The following PHF20 variants were observed in gnomAD, a reference collection of about 807,000 sequenced individuals.
PHF20 encodes glioma-expressed antigen 2.
Under a neutral mutation model 113.5 loss-of-function variants are expected in PHF20, and 23 were observed. The ratio of observed to expected loss-of-function variants is 0.20; its 90% CI spans 0.15 to 0.29. The LOEUF (loss-of-function observed/expected upper bound fraction) is 0.29. Ranked by LOEUF, PHF20 falls within the 10% of genes least tolerant of loss-of-function variation. The probability of loss-of-function intolerance (pLI) is 1.00; values close to 1 mark genes in which losing one functional copy is unlikely to be tolerated. For missense variants in PHF20, 943 were observed against 1,219.6 expected, an observed-to-expected ratio of 0.77 and a Z score of 3.38; for synonymous variants, 434 against 457.3, an observed-to-expected ratio of 0.95 and a Z score of 0.65.
chr20:35,848,845 A>G (rs1428580356), intron 4 of PHF20, among the ~76,000 whole-genome samples: 2 of 147,474 alleles, frequency 1.4e-5, no homozygotes, highest in African/African-American at 5.1e-5. Flanking sequence ...CAGCAGAACG[A>G]GACTCTGTCT....
rs1269419025 is a variant in PHF20, at chr20:35,898,097, A to G, written c.1283-1273A>G. ...CACCATGTTGTCCAGGCTGGTCCGA[A>G]CTCCTGACCTCAGGTGATCCGCCCA... On this transcript the variant is annotated intron_variant, in intron 9 of 17. Transcript: ENST00000374012. Among the ~76,000 whole-genome samples the G allele has an allele frequency of 3.3e-5, 5 of 151,510 alleles. No homozygotes were observed. In the East Asian group the frequency reaches 9.7e-4, roughly 30 times the overall value.
At chr20:35,939,203 T>G in intron 16 of PHF20, 95 bp downstream of exon 16, 2 of 1,306,838 alleles carry the variant, frequency 1.5e-6, no homozygotes, top group South Asian at 1.6e-5. Flanking sequence ...TATTTATTAA[T>G]AAAACTGTAT....
rs1443394927 is a variant in PHF20 at position 35,947,685 on chromosome 20, C to T, written c.*58C>T. The T allele has an allele frequency of 1.4e-5, 22 of 1,550,980 alleles. No individual in the cohort carries two copies. The highest frequency in any genetic ancestry group is 1.7e-5 in the Non-Finnish European group (19 of 1,130,890). The stretch of plus-strand genomic sequence containing the variant: ...CCTGGGGCACCTGCAGGAGGAGCTT[C>T]GCATATTTAAATAAATAAACCTAGC... On this transcript the variant is annotated 3_prime_UTR_variant, in exon 18 of 18. Transcript: ENST00000374012.
chr20:35,843,984 G>A (rs2042576496), intron 3 of PHF20, among the ~76,000 whole-genome samples: 1 of 152,098 alleles, frequency 6.6e-6, no homozygotes, highest in African/African-American at 2.4e-5. Context: ...GCAGTATGAA[G>A]TATTAGTTTT....
intron 9 of PHF20, among the ~76,000 whole-genome samples, chr20:35,898,269 A>G (rs1568729672): frequency 6.6e-6 from 1 of 152,192 alleles, no homozygotes; most frequent in Admixed American, 6.6e-5. Flanking sequence ...TAACTGTTAC[A>G]CTTTCCTTGC....
intron 2 of PHF20, among the ~76,000 whole-genome samples, chr20:35,824,121 T>TA (rs1276228572): frequency 6.6e-6 from 1 of 152,170 alleles, no homozygotes; most frequent in African/African-American, 2.4e-5. Flanking sequence ...AGTGTATGTT[T>TA]AACCAGGTGA....
At chr20:35,825,718 C>T (rs2042248172) in intron 2 of PHF20, among the ~76,000 whole-genome samples, 1 of 146,456 alleles carries the variant, frequency 6.8e-6, no homozygotes, top group Non-Finnish European at 1.5e-5. Flanking sequence ...TTACGAGTGC[C>T]ATGAAATACA....
At chr20:35,917,355 G>A (rs201618491) in intron 12 of PHF20, 129 bp from the exon 13 acceptor site, 26 of 850,884 alleles carry the variant, frequency 3.1e-5, no homozygotes, top group Admixed American at 1.2e-4. Flanking sequence ...TGGCATCCTC[G>A]TTTCCTTGCC....
rs1009701155 is a variant in PHF20 at position 35,803,674 on chromosome 20, G to GTA, written c.83+2079_83+2080dup. ...ATAATTAGTTCCTTTTTTGGTTTCA[G>GTA]TATATATATATGTGTGTGTGTGTGT... is the stretch of plus-strand genomic sequence containing the variant. On this transcript the variant is annotated intron_variant, in intron 2 of 17. Transcript: ENST00000374012. Among the ~76,000 whole-genome samples the GTA allele has an allele frequency of 1.1e-4, 14 of 131,182 alleles. 1 individual carries two copies. The highest frequency in any genetic ancestry group is 1.5e-4 in the Admixed American group (2 of 13,780). 86.1% of individuals were successfully genotyped at this position (131,182 alleles called of 152,430 possible). A position where few individuals can be genotyped will look rare whatever the true frequency, so the allele number is the denominator to read the frequency against.
chr20:35,827,819 C>T (rs551328489), intron 2 of PHF20, among the ~76,000 whole-genome samples: 4 of 151,464 alleles, frequency 2.6e-5, no homozygotes, highest in African/African-American at 4.9e-5. Context: ...GGCTCTTCAC[C>T]GGGTTTAGAG....
chr20:35,918,855 G>A (rs999542495), intron 13 of PHF20, among the ~76,000 whole-genome samples: 2 of 152,170 alleles, frequency 1.3e-5, no homozygotes, highest in African/African-American at 4.8e-5. Context: ...GGGGTTCAGG[G>A]ATTGTTCCCA....
intron 13 of PHF20, among the ~76,000 whole-genome samples, chr20:35,921,374 C>T (rs934489960): frequency 6.6e-6 from 1 of 151,668 alleles, no homozygotes; most frequent in Non-Finnish European, 1.5e-5. Flanking sequence ...ATTTTGCAGA[C>T]TCTCTGAAGC....
At chr20:35,830,484 A>C (rs2042340076) in intron 2 of PHF20, among the ~76,000 whole-genome samples, 1 of 152,160 alleles carries the variant, frequency 6.6e-6, no homozygotes, top group Admixed American at 6.5e-5. Context: ...GATATACCAC[A>C]TTTTATCTAT....
chr20:35,876,482 A>C lies in PHF20; in HGVS notation c.1282+4653A>C, dbSNP rs373753198. Among the ~76,000 whole-genome samples, 46 of 151,774 alleles carry C rather than the reference A, an allele frequency of 3.0e-4. 1 individual carries two copies. In the Middle Eastern group the frequency reaches 0.017, roughly 56 times the overall value. On this transcript the variant is annotated intron_variant, in intron 9 of 17. Transcript: ENST00000374012. ...GCTACTCGGGAGGCTGAGGCAGGAGAGTTGCTTGAACCTGGGAGGTGGAGG... is the reference window on the plus strand; with the variant it reads ...GCTACTCGGGAGGCTGAGGCAGGAGCGTTGCTTGAACCTGGGAGGTGGAGG...
At chr20:35,821,674 C>T (rs1600783201) in intron 2 of PHF20, among the ~76,000 whole-genome samples, 1 of 152,060 alleles carries the variant, frequency 6.6e-6, no homozygotes, top group South Asian at 2.1e-4. Flanking sequence ...AATAAAGTTG[C>T]TGTGGTTATT....
rs186807272 is a variant in PHF20, at chr20:35,813,311, A to T, written c.83+11706A>T. On this transcript the variant is annotated intron_variant, in intron 2 of 17. Coordinates refer to ENST00000374012, the MANE Select transcript of PHF20 (RefSeq NM_016436.5). ...TTAAAGTGCACTTAGGAATAAGATTATTGAGTGTGGTGGTGTAGTCAATTC... is the reference window on the plus strand; with the variant it reads ...TTAAAGTGCACTTAGGAATAAGATTTTTGAGTGTGGTGGTGTAGTCAATTC... Among the ~76,000 whole-genome samples the T allele has an allele frequency of 2.6e-5, 4 of 152,242 alleles. No individual in the cohort carries two copies. The East Asian group carries it at 7.7e-4, about 29-fold the overall frequency.
chr20:35,781,242 C>A (rs1346253982), intron 1 of PHF20, among the ~76,000 whole-genome samples: 2 of 151,764 alleles, frequency 1.3e-5, no homozygotes, highest in Middle Eastern at 6.8e-3. Flanking sequence ...CTCTGGGGTT[C>A]AAGTGATTCT....
At chr20:35,775,678 C>T (rs956924802) in intron 1 of PHF20, among the ~76,000 whole-genome samples, 4 of 132,358 alleles carry the variant, frequency 3.0e-5, no homozygotes, top group Non-Finnish European at 1.5e-5. Context: ...TGCTTGAACC[C>T]GGGAGGCGGA....
chr20:35,863,060 TTCA>T lies in PHF20; in HGVS notation c.474_476del (p.Ser159del). ...CTAAAGAAACAGATCACAAAAGTCT[TTCA>T]TCATCTCCTGATAAACGAGAGAAGT... On this transcript the variant is annotated inframe_deletion, in exon 6 of 18. Transcript: ENST00000374012. 6.2e-7 allele frequency: 1 copy of T among 1,601,168 alleles called. No individual in the cohort carries two copies. Among genetic ancestry groups the T allele is most frequent in the East Asian group, 2.2e-5 (1 of 44,844 alleles).
Sources: gnomAD v4.1 joint callset for allele counts (sites outside exome capture counted in the v4.1 genomes callset) on GRCh38, gnomAD v4.1.1 for gene constraint, MANE v1.5 for transcripts, NCBI Gene and HGNC (gene_info 2026-07-23, HGNC 2026-07-21) for gene names.